MBNL2: variants seen among roughly 807,000 people sequenced by gnomAD.
The protein encoded by MBNL2 is muscleblind like splicing regulator 2.
A neutral mutation model predicts 41.9 loss-of-function variants in MBNL2; 17 were observed. The observed-to-expected ratio is 0.41, with a 90% CI of 0.28 to 0.61. The LOEUF (loss-of-function observed/expected upper bound fraction) is 0.61, where lower values mean the gene tolerates loss of function less well. MBNL2 is among the 20% of genes least tolerant of loss of function. The pLI is 0.35. For missense variants in MBNL2, 336 were observed against 505.6 expected (o/e 0.66, Z 3.22); for synonymous variants, 195 against 182.9 (o/e 1.07, Z -0.53).
chr13:97,299,312 G>A (rs551054180), intron 2 of MBNL2, among the ~76,000 whole-genome samples: 1 of 152,224 alleles, frequency 6.6e-6, no homozygotes, highest in East Asian at 1.9e-4. Flanking sequence ...GTGCATGATA[G>A]TGTGTAAAGG....
intron 1 of MBNL2, among the ~76,000 whole-genome samples, chr13:97,228,286 A>C (rs987144433): frequency 2.0e-5 from 3 of 151,828 alleles, no homozygotes; most frequent in Non-Finnish European, 2.9e-5. Context: ...GGCCCATAAG[A>C]CCCCCAAGCT....
At chr13:97,164,812 T>A in the MBNL2 span, among the ~76,000 whole-genome samples, 1 of 152,186 alleles carries the variant, frequency 6.6e-6, no homozygotes, top group Non-Finnish European at 1.5e-5. Context: ...CTGATGCCCA[T>A]CCATCAGTGA....
chr13:97,146,122 C>A, the MBNL2 span, among the ~76,000 whole-genome samples: 1 of 151,438 alleles, frequency 6.6e-6, no homozygotes, highest in East Asian at 1.9e-4. Flanking sequence ...TCCCGAGTAG[C>A]TAGGACTACA....
upstream of MBNL2, among the ~76,000 whole-genome samples, chr13:97,220,812 T>G (rs2040796378): frequency 6.6e-6 from 1 of 152,282 alleles, no homozygotes; most frequent in South Asian, 2.1e-4. Flanking sequence ...AGGAATGGGA[T>G]TCATGGAATG....
At chr13:97,288,591 C>T (rs539759349) in intron 2 of MBNL2, among the ~76,000 whole-genome samples, 1 of 152,276 alleles carries the variant, frequency 6.6e-6, no homozygotes, top group Non-Finnish European at 1.5e-5. Context: ...ACTGGGGAGA[C>T]CAGGTTTGTT....
intron 1 of MBNL2, among the ~76,000 whole-genome samples, chr13:97,229,349 G>A (rs1226289502): frequency 2.0e-5 from 3 of 151,792 alleles, no homozygotes; most frequent in Non-Finnish European, 4.4e-5. Flanking sequence ...TGTCTCTAAT[G>A]TGGTATGTCC....
chr13:97,269,203 A>G (rs1057235552), intron 1 of MBNL2, among the ~76,000 whole-genome samples: 14 of 152,288 alleles, frequency 9.2e-5, no homozygotes, highest in Admixed American at 7.2e-4. Context: ...ACAACCAAAA[A>G]AGTCAAAAGA....
chr13:97,358,154 C>G (rs2063135080), intron 7 of MBNL2, among the ~76,000 whole-genome samples: 1 of 152,178 alleles, frequency 6.6e-6, no homozygotes, highest in Admixed American at 6.5e-5. Flanking sequence ...ATATAGAGCT[C>G]TTATCCTCAG....
chr13:97,304,737 T>C lies in MBNL2; in HGVS notation c.174+28328T>C, dbSNP rs190862502. Among the ~76,000 whole-genome samples the C allele has an allele frequency of 1.4e-3, 215 of 152,348 alleles. 2 individuals carry two copies. The highest frequency in any genetic ancestry group is 1.5e-3 in the Non-Finnish European group (102 of 68,028). ...GATGAAATGACAGAGCTTTGCAAACTATTAAATGCATTATTACATATATAT... is the reference window on the plus strand; with the variant it reads ...GATGAAATGACAGAGCTTTGCAAACCATTAAATGCATTATTACATATATAT... On this transcript the variant is annotated intron_variant, in intron 2 of 8. Coordinates refer to ENST00000679496, the MANE Select transcript of MBNL2 (RefSeq NM_001382683.1).
chr13:97,261,171 G>A (rs545964169), intron 1 of MBNL2, among the ~76,000 whole-genome samples: 1 of 152,042 alleles, frequency 6.6e-6, no homozygotes, highest in East Asian at 1.9e-4. Context: ...CTTCCCTCCT[G>A]TGCACAGCAC....
intron 8 of MBNL2, among the ~76,000 whole-genome samples, chr13:97,383,465 A>T (rs960092375): frequency 2.0e-5 from 3 of 152,168 alleles, no homozygotes; most frequent in Non-Finnish European, 4.4e-5. Flanking sequence ...TTAAATGACA[A>T]TTTTTCTTTA....
At chr13:97,326,618 T>C (rs1451017956) in intron 2 of MBNL2, among the ~76,000 whole-genome samples, 2 of 152,200 alleles carry the variant, frequency 1.3e-5, no homozygotes, top group Non-Finnish European at 2.9e-5. Flanking sequence ...TTTATAATGA[T>C]CCCCTGAATC....
chr13:97,333,835 T>TTGG (rs2060626214), intron 2 of MBNL2, among the ~76,000 whole-genome samples: 1 of 152,120 alleles, frequency 6.6e-6, no homozygotes. Context: ...TCTGATTACC[T>TTGG]TCCATACTGT....
the MBNL2 span, among the ~76,000 whole-genome samples, chr13:97,141,889 C>A: frequency 2.1e-3 from 316 of 152,260 alleles, no homozygotes; most frequent in African/African-American, 7.1e-3. Flanking sequence ...GTCTGAGGAG[C>A]CTTGGAACAT....
chr13:97,389,508 G>T (rs1451069769), intron 8 of MBNL2, among the ~76,000 whole-genome samples: 1 of 152,068 alleles, frequency 6.6e-6, no homozygotes, highest in Non-Finnish European at 1.5e-5. Flanking sequence ...TTTGAGACAA[G>T]CCAGGGCAAC....
the MBNL2 span, among the ~76,000 whole-genome samples, chr13:97,190,771 C>T: frequency 6.6e-6 from 1 of 152,190 alleles, no homozygotes; most frequent in Non-Finnish European, 1.5e-5. Flanking sequence ...GTTATCCTCT[C>T]CTCTGAATTT....
In MBNL2 at chr13:97,325,594, G is replaced by A. The variant is rs536738148; in HGVS notation, c.175-8682G>A. On this transcript the variant is annotated intron_variant, in intron 2 of 8. Transcript: ENST00000679496. ...AAAATAAAAAAATTAGACTGGCATG[G>A]TGGTAAGCACCTGTAGTCCCAGCTA... Among the ~76,000 whole-genome samples, 70 of 152,294 alleles carry A rather than the reference G, an allele frequency of 4.6e-4. 1 individual carries two copies. The highest frequency in any genetic ancestry group is 1.4e-3 in the Admixed American group (21 of 15,302).
At chr13:97,155,291 T>C in the MBNL2 span, among the ~76,000 whole-genome samples, 17 of 152,192 alleles carry the variant, frequency 1.1e-4, no homozygotes, top group African/African-American at 3.9e-4. Context: ...TTAAATAATT[T>C]TTTTTAGTCC....
At chr13:97,172,443 C>G in the MBNL2 span, 1 of 152,150 alleles carries the variant, frequency 6.6e-6, no homozygotes, top group Non-Finnish European at 1.5e-5. Context: ...TGGAAGAGCA[C>G]CCATAAATCC....
Sources: gnomAD v4.1 joint callset for allele counts (sites outside exome capture counted in the v4.1 genomes callset) on GRCh38, gnomAD v4.1.1 for gene constraint, MANE v1.5 for transcripts, NCBI Gene and HGNC (gene_info 2026-07-23, HGNC 2026-07-21) for gene names.